CAPN15: variants seen among roughly 807,000 people sequenced by gnomAD.
CAPN15 encodes calpain 15, also known as calpain-15.
In CAPN15, 53 loss-of-function variants were observed where a neutral mutation model predicts 97.9. That is an observed-to-expected ratio of 0.54 (90% CI 0.43 to 0.68). The LOEUF (loss-of-function observed/expected upper bound fraction) is 0.68, where lower values mean the gene tolerates loss of function less well. Among genes scored for constraint, CAPN15 ranks in the 30% least tolerant of loss-of-function variants. The pLI, the probability that CAPN15 is intolerant of heterozygous loss-of-function variation, is 0.00. For synonymous variants in CAPN15, 922 were observed against 722.5 expected (o/e 1.28, Z -4.43); for missense variants, 1,592 against 1,589.8 (o/e 1.00, Z -0.02).
Position 548,996 on chromosome 16 carries a change from A to T in CAPN15, c.1453A>T (p.Asn485Tyr), listed in dbSNP as rs757146040. 3 of 1,612,640 alleles carry T rather than the reference A, an allele frequency of 1.9e-6. No homozygotes were observed. The highest frequency in any genetic ancestry group is 2.5e-6 in the Non-Finnish European group (3 of 1,179,890). The change falls in exon 5 of 14, where the codon AAT becomes TAT. Residue 485 changes from asparagine (N) to tyrosine (Y), a missense_variant. Asn to Tyr is a moderately radical substitution (Grantham distance 143). Coordinates refer to ENST00000219611, the MANE Select transcript of CAPN15 (RefSeq NM_005632.3). ...CACATGGCCGTGGTCTCTGCAGAAC[A>T]ATGTGAGCTTCGTGGATGACAGCTT... ...ENIVAFCRENNVSFVDDSFPP... is the reference protein window; with the variant it reads ...ENIVAFCRENYVSFVDDSFPP...
At chr16:532,374 C>T (rs1016412763) in intron 1 of CAPN15, among the ~76,000 whole-genome samples, 2 of 144,586 alleles carry the variant, frequency 1.4e-5, no homozygotes, top group Admixed American at 1.4e-4. Context: ...GCCAACGTGA[C>T]GAAACCCCCA....
chr16:545,002 G>T (rs895139935), intron 3 of CAPN15, among the ~76,000 whole-genome samples: 1 of 150,184 alleles, frequency 6.7e-6, no homozygotes, highest in South Asian at 2.1e-4. Context: ...GCGACTTCAG[G>T]AGCGTTCTGG....
In CAPN15 at chr16:552,058, G is replaced by A. The variant is rs942189932; in HGVS notation, c.2353G>A (p.Asp785Asn). ...TCCTCCCGCCACCTGCAGGTACTTC[G>A]ACTCCGTGGACATCTGTAAGGTGCA... The part of the protein sequence containing the change: ...MEYGDFVRYF[D>N]SVDICKVHSD... Residue 785 changes from aspartate to asparagine, a missense_variant, in exon 10 of 14, where the codon GAC (aspartate) becomes AAC (asparagine). Asp to Asn is a conservative substitution (Grantham distance 23). Coordinates refer to ENST00000219611, the MANE Select transcript of CAPN15 (RefSeq NM_005632.3). The surrounding 1 kb of genome is among the most constrained non-coding windows in gnomAD (Gnocchi z 6.4). 7 of 1,548,550 alleles carry A rather than the reference G, an allele frequency of 4.5e-6. No homozygotes were observed. Among genetic ancestry groups the A allele is most frequent in the Non-Finnish European group, 6.1e-6 (7 of 1,146,702 alleles).
At chr16:538,272 C>T (rs1332329651) in intron 3 of CAPN15, 3 of 152,080 alleles carry the variant, frequency 2.0e-5, no homozygotes, top group Non-Finnish European at 4.4e-5. Flanking sequence ...TTTCATGGAA[C>T]TCCCACCTCT....
At position 553,521 on chromosome 16, in the gene CAPN15, C is replaced by A; in HGVS notation, c.*5C>A. 6.3e-7 allele frequency: 1 copy of A among 1,597,824 alleles called. No homozygotes were observed. The highest frequency in any genetic ancestry group is 8.5e-7 in the Non-Finnish European group (1 of 1,169,908). ...CATGGGCCCCGACCGCTGTGACCAC[C>A]ATGCCTGGGGCAGGGGCTGTGCACA... On this transcript the variant is annotated 3_prime_UTR_variant, in exon 14 of 14. Coordinates refer to ENST00000219611, the MANE Select transcript of CAPN15 (RefSeq NM_005632.3).
rs200592136 is a variant in CAPN15, at chr16:552,898, C to T, written c.2940C>T (p.His980=). ...REGMTCYYLT[H]GWAGLIVVVE... ...GCATGACCTGCTACTACCTGACACA[C>T]GGTTGGGCGGGGCTCATCGTGGTGG... The change falls in exon 13 of 14, where the codon CAC becomes CAT. Residue 980 remains histidine (H), a synonymous_variant. Coordinates refer to ENST00000219611, the MANE Select transcript of CAPN15 (RefSeq NM_005632.3). This position sits in a 1 kb window ranked among gnomAD's most constrained non-coding sequence, Gnocchi z 6.4. 70 of 1,610,088 alleles carry T rather than the reference C, an allele frequency of 4.3e-5. 1 individual carries two copies. The Admixed American group carries it at 6.9e-4, about 16-fold the overall frequency.
chr16:533,031 A>T (rs909908630), intron 1 of CAPN15, among the ~76,000 whole-genome samples: 1 of 151,196 alleles, frequency 6.6e-6, no homozygotes, highest in African/African-American at 2.4e-5. Flanking sequence ...GACCAGCCTG[A>T]CCAACATGGT....
intron 3 of CAPN15, among the ~76,000 whole-genome samples, chr16:544,506 G>A (rs1048109950): frequency 6.6e-6 from 1 of 152,146 alleles, no homozygotes; most frequent in Admixed American, 6.5e-5. Context: ...TGCTGTCCCG[G>A]CTGCTTCAGG....
intron 3 of CAPN15, among the ~76,000 whole-genome samples, chr16:545,228 C>A (rs2034504497): frequency 6.6e-6 from 1 of 152,140 alleles, no homozygotes; most frequent in South Asian, 2.1e-4. Context: ...AGCCCATGAA[C>A]CTGCCCAGGC....
chr16:549,580 C>A (rs573366705), intron 6 of CAPN15, 35 bp from the exon 7 acceptor site: 3 of 102,610 alleles, frequency 2.9e-5, no homozygotes, highest in Admixed American at 1.5e-4. Context: ...GTGTGGGGGG[C>A]GGGCGGGGGT....
Position 552,004 on chromosome 16 carries a change from G to T in CAPN15, c.2346-47G>T. 1.3e-6 allele frequency: 2 copies of T among 1,527,080 alleles called. No homozygotes were observed. The highest frequency in any genetic ancestry group is 1.8e-6 in the Non-Finnish European group (2 of 1,129,600). The allele number at this position is 1,527,080 out of a possible 1,614,324, so 94.6% of individuals were successfully genotyped here. A position where few individuals can be genotyped will look rare whatever the true frequency, so the allele number is the denominator to read the frequency against. ...TTGCGGTAGGCGCTGAGCCACGGAG[G>T]TGTGGGCCGTGGTAGGCTCAGGGCC... On this transcript the variant is annotated intron_variant, in intron 9 of 13. Transcript: ENST00000219611. This position sits in a 1 kb window ranked among gnomAD's most constrained non-coding sequence, Gnocchi z 6.4.
intron 1 of CAPN15, among the ~76,000 whole-genome samples, 174 bp downstream of exon 1, chr16:528,203 A>T (rs1468462917): frequency 6.6e-6 from 1 of 151,608 alleles, no homozygotes; most frequent in Non-Finnish European, 1.5e-5. Context: ...GAGTGGGGTC[A>T]GCCCGCCGCC....
intron 1 of CAPN15, among the ~76,000 whole-genome samples, chr16:532,664 A>G (rs542598821): frequency 9.8e-4 from 149 of 151,824 alleles, no homozygotes; most frequent in African/African-American, 2.8e-3. Flanking sequence ...CATCCTGGCT[A>G]ACACGGTGAA....
chr16:545,592 G>T (rs901326940), intron 3 of CAPN15, among the ~76,000 whole-genome samples: 3 of 152,242 alleles, frequency 2.0e-5, no homozygotes, highest in Non-Finnish European at 4.4e-5. Context: ...ACTCCGAAAG[G>T]TGTCTCCCAG....
rs368899874 is a variant in CAPN15, at chr16:549,239, C to T, written c.1658+38C>T. The T allele has an allele frequency of 5.9e-3, 6,994 of 1,186,844 alleles. 23 individuals carry two copies. Among genetic ancestry groups the T allele is most frequent in the Admixed American group, 7.5e-3 (144 of 19,078 alleles). The allele number at this position is 1,186,844 out of a possible 1,614,324, so 73.5% of individuals were successfully genotyped here. Reference sequence around the variant, plus strand: ...CCAAGGCCGGGGTGGGGCGGGTGGGCGGGCGACCGGCCGCGGTCCCCGCGA... The same window carrying T: ...CCAAGGCCGGGGTGGGGCGGGTGGGTGGGCGACCGGCCGCGGTCCCCGCGA... On this transcript the variant is annotated intron_variant, in intron 5 of 13. Transcript: ENST00000219611.
At chr16:529,117 T>G (rs1197366254) in intron 1 of CAPN15, among the ~76,000 whole-genome samples, 2 of 152,030 alleles carry the variant, frequency 1.3e-5, no homozygotes, top group Non-Finnish European at 2.9e-5. Context: ...TCCGAGGTCC[T>G]TCTGCTTGCG....
intron 1 of CAPN15, chr16:528,660 C>A: frequency 1.1e-6 from 1 of 928,378 alleles, no homozygotes; most frequent in Non-Finnish European, 1.3e-6. Context: ...GGTCAGCTGG[C>A]CCTGGCCGGG....
At chr16:540,004 T>G (rs2034001518) in intron 3 of CAPN15, 1 of 910,478 alleles carries the variant, frequency 1.1e-6, no homozygotes, top group Non-Finnish European at 1.3e-6. Context: ...TGCTGGGAAG[T>G]CCTCCCGGGC....
In CAPN15 at chr16:554,349, G is replaced by T. The variant is rs559306885; in HGVS notation, c.*833G>T. 2 of 372,276 alleles carry T rather than the reference G, an allele frequency of 5.4e-6. No individual in the cohort carries two copies. The highest frequency in any genetic ancestry group is 1.1e-5 in the Non-Finnish European group (2 of 188,874). 23.1% of individuals were successfully genotyped at this position (372,276 alleles called of 1,614,324 possible). ...TGGACGTCTGAGCCCAGCTTTCTGC[G>T]TGCCCTCCTGGCCCCTCACTCCCGG... On this transcript the variant is annotated 3_prime_UTR_variant, in exon 14 of 14. Coordinates refer to ENST00000219611, the MANE Select transcript of CAPN15 (RefSeq NM_005632.3).
Sources: allele counts gnomAD v4.1 joint callset (sites outside exome capture counted in the v4.1 genomes callset), GRCh38; gene constraint gnomAD v4.1.1; non-coding constraint Gnocchi (gnomAD v3.1); transcripts MANE v1.5; gene names NCBI Gene and HGNC (gene_info 2026-07-23, HGNC 2026-07-21).